Variants in TMIGD1 observed in about 807,000 individuals in gnomAD.
TMIGD1 encodes the protein transmembrane and immunoglobulin domain containing 1, also known as transmembrane and immunoglobulin domain-containing protein 1.
TMIGD1 carries 29 observed loss-of-function variants against 27.5 expected under a neutral mutation model. That is an observed-to-expected ratio of 1.05 (90% CI 0.78 to 1.44). TMIGD1 has a LOEUF of 1.44. Among genes scored for constraint, TMIGD1 ranks in the 40% most tolerant of loss-of-function variants. The pLI is 0.00. For missense variants in TMIGD1, 334 were observed against 310.6 expected (o/e 1.08, Z -0.57); for synonymous variants, 109 against 110.3 (o/e 0.99, Z 0.07).
Position 30,325,131 on chromosome 17 carries a change from A to G in TMIGD1, c.362-37T>C. 1.9e-6 allele frequency: 3 copies of G among 1,577,390 alleles called. No individual in the cohort carries two copies. The East Asian group carries it at 6.7e-5, about 35-fold the overall frequency. On this transcript the variant is annotated intron_variant, in intron 3 of 6. Transcript: ENST00000328886. Reference sequence around the variant, plus strand: ...AAGCATTTAGATTTAATTAGCAGATAAGCAATAGTTCACTGTCAGAGTTCA... The same window carrying G: ...AAGCATTTAGATTTAATTAGCAGATGAGCAATAGTTCACTGTCAGAGTTCA...
intron 4 of TMIGD1, among the ~76,000 whole-genome samples, chr17:30,324,334 C>T (rs1032660088): frequency 6.6e-6 from 1 of 152,084 alleles, no homozygotes; most frequent in African/African-American, 2.4e-5. Context: ...AGAGAAAGGG[C>T]TTTTTTGTCC....
chr17:30,329,631 A>G (rs759245163), intron 2 of TMIGD1, 102 bp from the exon 3 acceptor site: 10 of 871,378 alleles, frequency 1.1e-5, no homozygotes, highest in Non-Finnish European at 1.7e-5. Context: ...CAGTAGAACA[A>G]AATAAACTCT....
At chr17:30,332,952 A>C (rs527379508) in intron 1 of TMIGD1, among the ~76,000 whole-genome samples, 49 of 152,070 alleles carry the variant, frequency 3.2e-4, no homozygotes, top group Non-Finnish European at 5.6e-4. Flanking sequence ...GCCTCCTAAC[A>C]ACCCTCCTGA....
At chr17:30,316,744 A>T in intron 6 of TMIGD1, 54 bp from the exon 7 acceptor site, 1 of 1,556,724 alleles carries the variant, frequency 6.4e-7, no homozygotes, top group Admixed American at 1.7e-5. Flanking sequence ...TAAGAAAAAA[A>T]TTCAAAACAA....
chr17:30,317,356 C>T (rs1480937353), intron 5 of TMIGD1, 123 bp from the exon 6 acceptor site: 4 of 1,039,860 alleles, frequency 3.8e-6, no homozygotes, highest in Middle Eastern at 2.5e-4. Flanking sequence ...CTGGCTCAGG[C>T]GTCATTTTTG....
chr17:30,330,732 ACTTTTAGAAAC>A (rs1567851962), intron 2 of TMIGD1, among the ~76,000 whole-genome samples: 1 of 152,114 alleles, frequency 6.6e-6, no homozygotes, highest in African/African-American at 2.4e-5. Context: ...TTCAGCTCTG[ACTTTTAGAAAC>A]CTATTCATTG....
rs561331069 is a variant in TMIGD1 at position 30,321,163 on chromosome 17, CT to C, written c.641-2251del. On this transcript the variant is annotated intron_variant, in intron 4 of 6. Transcript: ENST00000328886. ...GTGAGCCACCATGCCTGGCCAACCC[CT>C]TTTTTTTTTTTTTTAGAGATGGAGC... 6.5e-3 allele frequency among the ~76,000 whole-genome samples: 923 copies of C among 142,132 alleles called. 5 individuals carry two copies. Among genetic ancestry groups the C allele is most frequent in the Middle Eastern group, 0.034 (9 of 264 alleles). The allele number at this position is 142,132 out of a possible 152,430, so 93.2% of individuals were successfully genotyped here.
chr17:30,330,355 T>C (rs552136305), intron 2 of TMIGD1, among the ~76,000 whole-genome samples: 146 of 152,266 alleles, frequency 9.6e-4, no homozygotes, highest in Non-Finnish European at 1.6e-3. Flanking sequence ...TATATACATA[T>C]ACACATACCA....
In TMIGD1 at chr17:30,329,234, C is replaced by G; in HGVS notation, c.361+17G>C. ...GACATTACAGACCCACTAGCTGTTT[C>G]TTTTCCCCTCACTCACAAGTAACAT... is the stretch of plus-strand genomic sequence containing the variant. On this transcript the variant is annotated intron_variant, in intron 3 of 6. Coordinates refer to ENST00000328886, the MANE Select transcript of TMIGD1 (RefSeq NM_206832.3). The G allele has an allele frequency of 1.2e-6, 2 of 1,609,296 alleles. No homozygotes were observed. The highest frequency in any genetic ancestry group is 1.7e-6 in the Non-Finnish European group (2 of 1,176,318).
At position 30,324,880 on chromosome 17, in the gene TMIGD1, G is replaced by C. The variant is rs137946283; in HGVS notation, c.576C>G (p.Thr192=). The part of the protein sequence containing the change: ...ITKVEKPDNG[T]YSCIAKSSLK... Reference sequence around the variant, plus strand: ...GAGATGACTTTGCAATACAACTGTAGGTTCCGTTGTCAGGCTTCTCGACTT... The same window carrying C: ...GAGATGACTTTGCAATACAACTGTACGTTCCGTTGTCAGGCTTCTCGACTT... The change falls in exon 4 of 7, where the codon ACC becomes ACG. Residue 192 remains threonine, a synonymous_variant. Coordinates refer to ENST00000328886, the MANE Select transcript of TMIGD1 (RefSeq NM_206832.3). 98 of 1,614,168 alleles carry C rather than the reference G, an allele frequency of 6.1e-5. 1 individual carries two copies. The African/African-American group carries it at 1.2e-3, about 20-fold the overall frequency.
intron 3 of TMIGD1, 92 bp from the exon 4 acceptor site, chr17:30,325,186 C>A (rs1468497347): frequency 5.1e-6 from 7 of 1,380,456 alleles, no homozygotes; most frequent in Non-Finnish European, 6.9e-6. Flanking sequence ...CTCATGTGGT[C>A]ATTTATTCAT....
chr17:30,317,305 A>G, intron 5 of TMIGD1, 72 bp from the exon 6 acceptor site: 1 of 1,565,554 alleles, frequency 6.4e-7, no homozygotes, highest in Non-Finnish European at 8.8e-7. Context: ...ATGCATTAAG[A>G]TGGCTCGAGG....
At chr17:30,323,300 A>G (rs1909678842) in intron 4 of TMIGD1, among the ~76,000 whole-genome samples, 1 of 152,138 alleles carries the variant, frequency 6.6e-6, no homozygotes, top group Admixed American at 6.5e-5. Flanking sequence ...TATATTCATC[A>G]TGGTTAAATA....
Position 30,332,173 on chromosome 17 carries a change from G to A in TMIGD1, c.-25-15C>T. 6.5e-7 allele frequency: 1 copy of A among 1,543,914 alleles called. No homozygotes were observed. The highest frequency in any genetic ancestry group is 8.9e-7 in the Non-Finnish European group (1 of 1,124,586). On this transcript the variant is annotated splice_polypyrimidine_tract_variant and intron_variant, in intron 1 of 6. Transcript: ENST00000328886. ...ACTCAGATCTACTAAGGGAAAAATA[G>A]TGCAGTTGGTTTTGTACTTTGGTCT...
intron 3 of TMIGD1, among the ~76,000 whole-genome samples, chr17:30,325,692 C>G (rs1356566350): frequency 6.6e-6 from 1 of 152,126 alleles, no homozygotes; most frequent in African/African-American, 2.4e-5. Flanking sequence ...TTGAGGGTTA[C>G]TCTCACCGTC....
intron 2 of TMIGD1, among the ~76,000 whole-genome samples, 173 bp from the exon 3 acceptor site, chr17:30,329,702 T>C (rs998125016): frequency 6.6e-6 from 1 of 152,178 alleles, no homozygotes; most frequent in African/African-American, 2.4e-5. Context: ...ATTCATAATG[T>C]ATTGTTAACT....
At chr17:30,318,985 C>G in intron 4 of TMIGD1, 72 bp from the exon 5 acceptor site, 1 of 1,085,200 alleles carries the variant, frequency 9.2e-7, no homozygotes. Context: ...GCAATGGTGC[C>G]TTGAACTTTA....
chr17:30,319,879 G>A (rs1469977077), intron 4 of TMIGD1, among the ~76,000 whole-genome samples: 2 of 152,034 alleles, frequency 1.3e-5, no homozygotes, highest in Non-Finnish European at 2.9e-5. Context: ...CTAAGCATGA[G>A]CCTTCCCAAC....
chr17:30,319,261 A>AAAAAAAAAATATATATATATAT, intron 4 of TMIGD1, among the ~76,000 whole-genome samples: 13 of 69,038 alleles, frequency 1.9e-4, no homozygotes, highest in Admixed American at 2.9e-4. Context: ...AAAAAAAAAA[A>AAAAAAAAAATATATATATATAT]ATATATATAT....
Sources: gnomAD v4.1 joint callset for allele counts (sites outside exome capture counted in the v4.1 genomes callset) on GRCh38, gnomAD v4.1.1 for gene constraint, MANE v1.5 for transcripts, NCBI Gene and HGNC (gene_info 2026-07-23, HGNC 2026-07-21) for gene names.